EPB41: variants seen among roughly 807,000 people sequenced by gnomAD.
EPB41 encodes the protein erythrocyte membrane protein band 4.1.
EPB41 carries 65 observed loss-of-function variants against 108.0 expected under a neutral mutation model. That is an observed-to-expected ratio of 0.60 (90% CI 0.49 to 0.74). The LOEUF is 0.74. EPB41 is among the 30% of genes least tolerant of loss of function. The pLI, the probability that EPB41 is intolerant of heterozygous loss-of-function variation, is 0.00. For missense variants in EPB41, 875 were observed against 1,037.0 expected, an observed-to-expected ratio of 0.84 and a Z score of 2.15; for synonymous variants, 336 against 358.9, an observed-to-expected ratio of 0.94 and a Z score of 0.72.
chr1:29,072,953 A>G (rs1158135341), intron 16 of EPB41: 1 of 152,066 alleles, frequency 6.6e-6, no homozygotes, highest in Non-Finnish European at 1.5e-5. Flanking sequence ...TATACTAAAA[A>G]TACAAAAATT....
Position 29,118,110 on chromosome 1 carries a change from GTT to G in EPB41, c.*1303_*1304del, listed in dbSNP as rs1671289360. The G allele has an allele frequency of 6.6e-6, 1 of 152,144 alleles. No homozygotes were observed. Among genetic ancestry groups the G allele is most frequent in the Non-Finnish European group, 1.5e-5 (1 of 68,066 alleles). The allele number at this position is 152,144 out of a possible 1,614,324, so 9.4% of individuals were successfully genotyped here. On this transcript the variant is annotated 3_prime_UTR_variant, in exon 21 of 21. Coordinates refer to ENST00000343067, the MANE Select transcript of EPB41 (RefSeq NM_001376013.1). ...ATTCCTGGTAAGGATTTGGGGCATA[GTT>G]TTTTGTTTTTTTGAGACGGAGTTTC...
At chr1:28,969,508 G>A (rs1222711876) in intron 1 of EPB41, among the ~76,000 whole-genome samples, 6 of 151,918 alleles carry the variant, frequency 3.9e-5, no homozygotes, top group Non-Finnish European at 5.9e-5. Context: ...GCTCACGCCT[G>A]TAATCCCAGC....
At chr1:29,024,072 C>T (rs2096682613) in intron 7 of EPB41, among the ~76,000 whole-genome samples, 1 of 152,034 alleles carries the variant, frequency 6.6e-6, no homozygotes. Context: ...CACGGTGGCT[C>T]ACACCTGTAA....
At chr1:29,050,528 G>C (rs910187529) in intron 11 of EPB41, among the ~76,000 whole-genome samples, 2 of 152,222 alleles carry the variant, frequency 1.3e-5, no homozygotes, top group African/African-American at 4.8e-5. Flanking sequence ...CCCCTGTGTT[G>C]TCAGGTTTGG....
intron 4 of EPB41, among the ~76,000 whole-genome samples, chr1:29,011,661 G>A (rs1478065723): frequency 8.5e-5 from 13 of 152,198 alleles, no homozygotes; most frequent in Non-Finnish European, 1.9e-4. Flanking sequence ...AGGAAGTAGT[G>A]GAGCTAATAT....
At chr1:29,064,816 A>G (rs1647071287) in intron 15 of EPB41, 166 bp from the exon 16 acceptor site, 1 of 848,576 alleles carries the variant, frequency 1.2e-6, no homozygotes, top group African/African-American at 1.7e-5. Context: ...AAAAAAAGGC[A>G]AGCAAATATA....
chr1:29,006,216 A>C (rs2096397040), intron 4 of EPB41, among the ~76,000 whole-genome samples: 1 of 151,416 alleles, frequency 6.6e-6, no homozygotes, highest in African/African-American at 2.4e-5. Flanking sequence ...TGTAAATCGT[A>C]CATATACATC....
intron 1 of EPB41, among the ~76,000 whole-genome samples, chr1:28,899,667 C>A (rs1273569706): frequency 1.3e-5 from 2 of 152,158 alleles, no homozygotes; most frequent in African/African-American, 2.4e-5. Flanking sequence ...AAAGAGAAAA[C>A]CTGGTTCACA....
At chr1:28,986,286 G>T (rs930704996) in intron 1 of EPB41, among the ~76,000 whole-genome samples, 5 of 152,160 alleles carry the variant, frequency 3.3e-5, no homozygotes, top group African/African-American at 9.7e-5. Context: ...GTGAATCAAA[G>T]CATAAGGTCA....
intron 4 of EPB41, among the ~76,000 whole-genome samples, chr1:29,002,870 T>A (rs184872308): frequency 1.3e-5 from 2 of 152,336 alleles, no homozygotes; most frequent in Admixed American, 1.3e-4. Context: ...TTACATCAAG[T>A]TACTTTTCTT....
At chr1:28,967,265 G>A (rs1366102144) in intron 1 of EPB41, among the ~76,000 whole-genome samples, 3 of 152,106 alleles carry the variant, frequency 2.0e-5, no homozygotes, top group Non-Finnish European at 4.4e-5. Flanking sequence ...TGATCCACCC[G>A]CCTTGGCCTC....
At chr1:29,048,189 G>C (rs1049647827) in intron 11 of EPB41, among the ~76,000 whole-genome samples, 10 of 151,848 alleles carry the variant, frequency 6.6e-5, no homozygotes, top group South Asian at 4.1e-4. Flanking sequence ...ATTATATATA[G>C]TTTAACTCAT....
intron 7 of EPB41, among the ~76,000 whole-genome samples, chr1:29,029,415 G>A (rs2096761188): frequency 1.3e-5 from 2 of 152,118 alleles, no homozygotes; most frequent in South Asian, 4.1e-4. Context: ...TTTTAATTAG[G>A]GTAAAGACAG....
intron 8 of EPB41, among the ~76,000 whole-genome samples, chr1:29,032,727 A>T (rs923099931): frequency 6.6e-6 from 1 of 152,138 alleles, no homozygotes; most frequent in African/African-American, 2.4e-5. Context: ...TTTTTAATTT[A>T]ATATACTTAA....
At chr1:28,956,137 A>G (rs921766601) in intron 1 of EPB41, among the ~76,000 whole-genome samples, 1 of 152,252 alleles carries the variant, frequency 6.6e-6, no homozygotes, top group Non-Finnish European at 1.5e-5. Context: ...AAGTACTCTC[A>G]TTTAGCTATT....
chr1:29,044,337 G>T (rs1339180993), intron 11 of EPB41, among the ~76,000 whole-genome samples: 2 of 152,204 alleles, frequency 1.3e-5, no homozygotes, highest in Non-Finnish European at 2.9e-5. Context: ...TGGTTATATA[G>T]ATACTATGCC....
At chr1:29,030,892 G>C (rs553532122) in intron 8 of EPB41, among the ~76,000 whole-genome samples, 1 of 151,634 alleles carries the variant, frequency 6.6e-6, no homozygotes, top group Non-Finnish European at 1.5e-5. Context: ...GCATGATCTC[G>C]GCTCACTGCA....
At chr1:29,011,122 C>CAA (rs71022386) in intron 4 of EPB41, among the ~76,000 whole-genome samples, 80 of 113,686 alleles carry the variant, frequency 7.0e-4, no homozygotes, top group South Asian at 2.7e-3. Context: ...GAAACTCTGT[C>CAA]AAAAAAAAAA....
intron 11 of EPB41, among the ~76,000 whole-genome samples, chr1:29,046,406 C>T (rs1314969961): frequency 1.3e-5 from 2 of 151,968 alleles, no homozygotes; most frequent in Non-Finnish European, 2.9e-5. Flanking sequence ...GGATTACAAG[C>T]GTGAGCCACC....
Sources: allele counts gnomAD v4.1 joint callset (sites outside exome capture counted in the v4.1 genomes callset), GRCh38; gene constraint gnomAD v4.1.1; transcripts MANE v1.5; gene names NCBI Gene and HGNC (gene_info 2026-07-23, HGNC 2026-07-21).